The following ZMYM4 variants were observed in gnomAD, a reference collection of about 807,000 sequenced individuals.
ZMYM4 encodes zinc finger MYM-type containing 4.
A neutral mutation model predicts 183.2 loss-of-function variants in ZMYM4; 31 were observed. The ratio of observed to expected loss-of-function variants is 0.17; its 90% confidence interval spans 0.13 to 0.23. The LOEUF is 0.23. Ranked by LOEUF, ZMYM4 falls within the 10% of genes least tolerant of loss-of-function variation. ZMYM4 has a pLI of 1.00. For missense variants in ZMYM4, 1,273 were observed against 1,840.3 expected (o/e 0.69, Z 5.64); for synonymous variants, 592 against 631.2 (o/e 0.94, Z 0.93).
In ZMYM4 at chr1:35,397,599, A is replaced by G. The variant is rs879120734; in HGVS notation, c.3199+54A>G. 15 of 1,461,706 alleles carry G rather than the reference A, an allele frequency of 1.0e-5. 1 individual carries two copies. The South Asian group carries it at 1.9e-4, about 19-fold the overall frequency. The allele number at this position is 1,461,706 out of a possible 1,614,324, so 90.5% of individuals were successfully genotyped here. ...GAAAAAACACGTTTTACACATTTTC[A>G]GGTGACTCAAGTAATTTTAAGTATA... On this transcript the variant is annotated intron_variant, in intron 20 of 29. Transcript: ENST00000314607.
chr1:35,330,984 A>G (rs889968653), intron 2 of ZMYM4, among the ~76,000 whole-genome samples: 3 of 152,218 alleles, frequency 2.0e-5, no homozygotes, highest in African/African-American at 7.2e-5. Context: ...GTGGAGCATC[A>G]GCATCAGTTT....
chr1:35,395,375 C>G (rs1487033012), intron 18 of ZMYM4, among the ~76,000 whole-genome samples: 1 of 151,754 alleles, frequency 6.6e-6, no homozygotes, highest in Non-Finnish European at 1.5e-5. Flanking sequence ...GCGGGAGGAT[C>G]ACTTGAGCCC....
intron 2 of ZMYM4, among the ~76,000 whole-genome samples, chr1:35,328,461 T>A (rs906223319): frequency 3.6e-5 from 5 of 137,060 alleles, no homozygotes; most frequent in East Asian, 4.0e-4. Context: ...TTAATTTTTT[T>A]TTTTTTTTTT....
At chr1:35,384,841 C>CT (rs748891728) in intron 9 of ZMYM4, among the ~76,000 whole-genome samples, 7,132 of 127,320 alleles carry the variant, frequency 0.056, 608 homozygotes, top group African/African-American at 0.18. Flanking sequence ...TTTTCTTTTT[C>CT]TTTTTTTTTT....
rs548894627 is a variant in ZMYM4, at chr1:35,328,867, T to C, written c.85+3462T>C. ...ATCATCCTAGCCCTCCCATTTTGTC[T>C]TGGGATTCATGTCTAGAAAAAAAGA... On this transcript the variant is annotated intron_variant, in intron 2 of 29. Transcript: ENST00000314607. Among the ~76,000 whole-genome samples the C allele has an allele frequency of 7.2e-5, 11 of 152,248 alleles. 1 individual carries two copies. The South Asian group carries it at 2.1e-3, about 29-fold the overall frequency.
intron 5 of ZMYM4, among the ~76,000 whole-genome samples, chr1:35,362,767 A>G (rs7523956): frequency 3.3e-5 from 5 of 151,990 alleles, no homozygotes; most frequent in East Asian, 1.9e-4. Flanking sequence ...CAGTGGTGCA[A>G]TCACTGCTCA....
chr1:35,278,112 G>A (rs925521981), intron 1 of ZMYM4, among the ~76,000 whole-genome samples: 1 of 152,046 alleles, frequency 6.6e-6, no homozygotes, highest in African/African-American at 2.4e-5. Flanking sequence ...GGTATTCCTT[G>A]ACTTGTGGCG....
chr1:35,279,040 T>A (rs1478795563), intron 1 of ZMYM4, among the ~76,000 whole-genome samples: 3 of 152,208 alleles, frequency 2.0e-5, no homozygotes, highest in African/African-American at 7.2e-5. Context: ...GGCCTGAGAA[T>A]AATCCTCTGT....
At chr1:35,344,061 CT>C (rs566474547) in intron 2 of ZMYM4, among the ~76,000 whole-genome samples, 292 of 141,852 alleles carry the variant, frequency 2.1e-3, no homozygotes, top group East Asian at 0.02. Flanking sequence ...TTCTTTTTTC[CT>C]TTTTTTTTTT....
rs397863926 is a variant in ZMYM4 at position 35,374,019 on chromosome 1, C to CTTT, written c.1181+3418_1181+3420dup. On this transcript the variant is annotated intron_variant, in intron 7 of 29. Coordinates refer to ENST00000314607, the MANE Select transcript of ZMYM4 (RefSeq NM_005095.3). The stretch of plus-strand genomic sequence containing the variant: ...ATTCCAGTATGTTCATCATGGGATT[C>CTTT]TTTTTTTTTTTTTTTTTTTTTTTTT... Among the ~76,000 whole-genome samples, 90 of 52,796 alleles carry CTTT rather than the reference C, an allele frequency of 1.7e-3. 13 individuals carry two copies. The highest frequency in any genetic ancestry group is 3.8e-3 in the African/African-American group (50 of 13,032). 34.6% of individuals were successfully genotyped at this position (52,796 alleles called of 152,430 possible). A position where few individuals can be genotyped will look rare whatever the true frequency, so the allele number is the denominator to read the frequency against.
At chr1:35,308,003 A>T (rs1423867135) in intron 1 of ZMYM4, among the ~76,000 whole-genome samples, 1 of 141,598 alleles carries the variant, frequency 7.1e-6, no homozygotes, top group Non-Finnish European at 1.5e-5. Flanking sequence ...CTAATTTTTT[A>T]ATTTTTTTGA....
intron 2 of ZMYM4, among the ~76,000 whole-genome samples, chr1:35,346,956 A>T (rs1034625078): frequency 1.3e-5 from 2 of 152,224 alleles, no homozygotes; most frequent in East Asian, 1.9e-4. Flanking sequence ...GCTTAGAGCC[A>T]TCCAGAAATA....
At chr1:35,411,246 C>T (rs911300316) in intron 26 of ZMYM4, among the ~76,000 whole-genome samples, 12 of 150,156 alleles carry the variant, frequency 8.0e-5, no homozygotes, top group African/African-American at 1.2e-4. Flanking sequence ...CTCCGCCTCC[C>T]GGGTTCACGC....
chr1:35,286,216 A>G (rs1380640421), intron 1 of ZMYM4, among the ~76,000 whole-genome samples: 1 of 152,180 alleles, frequency 6.6e-6, no homozygotes, highest in Non-Finnish European at 1.5e-5. Context: ...TATGGCATCA[A>G]CACACAAAAA....
At chr1:35,276,750 G>A (rs1323219248) in intron 1 of ZMYM4, among the ~76,000 whole-genome samples, 6 of 152,112 alleles carry the variant, frequency 3.9e-5, no homozygotes, top group African/African-American at 1.2e-4. Context: ...TGGGATTATA[G>A]GCATGCACCA....
chr1:35,379,142 C>T (rs184204983), intron 7 of ZMYM4, among the ~76,000 whole-genome samples: 84 of 152,232 alleles, frequency 5.5e-4, no homozygotes, highest in Non-Finnish European at 1.1e-3. Flanking sequence ...TCTCTATCAC[C>T]CAGGCTTGAG....
intron 1 of ZMYM4, among the ~76,000 whole-genome samples, chr1:35,320,911 A>G (rs1051985055): frequency 6.6e-6 from 1 of 152,082 alleles, no homozygotes; most frequent in Admixed American, 6.6e-5. Flanking sequence ...TCCTTTATAG[A>G]ATCTTGATTT....
intron 2 of ZMYM4, among the ~76,000 whole-genome samples, chr1:35,348,746 T>C (rs954873488): frequency 6.6e-6 from 1 of 152,258 alleles, no homozygotes; most frequent in Non-Finnish European, 1.5e-5. Flanking sequence ...CCAAGATTTA[T>C]TGTGTTTGTT....
At chr1:35,376,802 A>G (rs886761227) in intron 7 of ZMYM4, among the ~76,000 whole-genome samples, 3 of 152,140 alleles carry the variant, frequency 2.0e-5, no homozygotes, top group African/African-American at 7.2e-5. Flanking sequence ...CTGGGATTAC[A>G]GGCGTGAGCC....
Sources: gnomAD v4.1 joint callset for allele counts (sites outside exome capture counted in the v4.1 genomes callset) on GRCh38, gnomAD v4.1.1 for gene constraint, MANE v1.5 for transcripts, NCBI Gene and HGNC (gene_info 2026-07-23, HGNC 2026-07-21) for gene names.